The following BAZ1A variants were observed in gnomAD, a reference collection of about 807,000 sequenced individuals.
BAZ1A encodes the protein bromodomain adjacent to zinc finger domain 1A.
BAZ1A carries 50 observed loss-of-function variants against 185.2 expected under a neutral mutation model. That is an observed-to-expected ratio of 0.27 (90% CI 0.22 to 0.34). BAZ1A has a LOEUF of 0.34. BAZ1A is among the 10% of genes least tolerant of loss of function. The pLI is 1.00. For missense variants in BAZ1A, 1,356 were observed against 1,839.9 expected (o/e 0.74, Z 4.81); for synonymous variants, 571 against 615.6 (o/e 0.93, Z 1.07).
intron 3 of BAZ1A, among the ~76,000 whole-genome samples, chr14:34,829,725 C>T (rs980596434): frequency 6.6e-6 from 1 of 152,144 alleles, no homozygotes; most frequent in Non-Finnish European, 1.5e-5. Flanking sequence ...CCATTATCCA[C>T]CCCCTTACTA....
intron 21 of BAZ1A, among the ~76,000 whole-genome samples, chr14:34,768,291 T>A (rs1190406879): frequency 1.3e-5 from 2 of 152,112 alleles, no homozygotes; most frequent in Admixed American, 1.3e-4. Flanking sequence ...AGGACAGGCT[T>A]CTCTAGGGGA....
chr14:34,775,273 T>G (rs990578978), intron 18 of BAZ1A, among the ~76,000 whole-genome samples: 11 of 152,306 alleles, frequency 7.2e-5, no homozygotes, highest in African/African-American at 2.2e-4. Flanking sequence ...GAAGTGGTCA[T>G]GGTAACATGC....
At chr14:34,860,886 G>T (rs977118286) in intron 3 of BAZ1A, among the ~76,000 whole-genome samples, 2 of 151,736 alleles carry the variant, frequency 1.3e-5, no homozygotes, top group Non-Finnish European at 2.9e-5. Context: ...CAACAAGAGC[G>T]GAACTCCGTC....
At chr14:34,813,888 CA>C (rs1403134873) in intron 4 of BAZ1A, among the ~76,000 whole-genome samples, 2 of 151,434 alleles carry the variant, frequency 1.3e-5, no homozygotes, top group Non-Finnish European at 2.9e-5. Context: ...ACTGAAAATA[CA>C]AAAATTAGCC....
chr14:34,823,310 C>T (rs1418660855), intron 4 of BAZ1A, among the ~76,000 whole-genome samples: 5 of 151,592 alleles, frequency 3.3e-5, no homozygotes, highest in African/African-American at 1.2e-4. Context: ...GCCGAGACTG[C>T]GCCACTGCAC....
intron 18 of BAZ1A, among the ~76,000 whole-genome samples, chr14:34,774,912 C>T (rs985456740): frequency 6.6e-6 from 1 of 152,216 alleles, no homozygotes; most frequent in Non-Finnish European, 1.5e-5. Flanking sequence ...CCAATGAGCA[C>T]ATGAAAAGAT....
At chr14:34,858,805 T>C (rs867090107) in intron 3 of BAZ1A, among the ~76,000 whole-genome samples, 2 of 152,260 alleles carry the variant, frequency 1.3e-5, no homozygotes, top group Middle Eastern at 3.4e-3. Context: ...AAATTTCAGA[T>C]AGGACAGAAG....
At chr14:34,784,643 G>A (rs965208305) in intron 14 of BAZ1A, among the ~76,000 whole-genome samples, 13 of 149,626 alleles carry the variant, frequency 8.7e-5, no homozygotes, top group Admixed American at 8.0e-4. Context: ...TCAGCCTCCC[G>A]AGTAGCTGGG....
rs150453067 is a variant in BAZ1A, at chr14:34,813,076, T to C, written c.537-2040A>G. Among the ~76,000 whole-genome samples the C allele has an allele frequency of 2.6e-5, 4 of 152,142 alleles. No individual in the cohort carries two copies. The South Asian group carries it at 8.3e-4, about 32-fold the overall frequency. On this transcript the variant is annotated intron_variant, in intron 4 of 26. Transcript: ENST00000360310. ...AGAGGACAGATCAAATAGAGAATTC[T>C]AAATGTAAAGAAAGAAGCACTGCTG... is the stretch of plus-strand genomic sequence containing the variant.
chr14:34,802,006 T>C (rs1213061203), intron 7 of BAZ1A, among the ~76,000 whole-genome samples: 1 of 151,640 alleles, frequency 6.6e-6, no homozygotes, highest in Non-Finnish European at 1.5e-5. Flanking sequence ...ATTACAAGAA[T>C]ATCTCAGGAA....
chr14:34,859,261 C>T (rs2042731232), intron 3 of BAZ1A, among the ~76,000 whole-genome samples: 1 of 151,844 alleles, frequency 6.6e-6, no homozygotes, highest in African/African-American at 2.4e-5. Flanking sequence ...CTCATCTATA[C>T]TAAAAGTTAA....
intron 3 of BAZ1A, among the ~76,000 whole-genome samples, chr14:34,852,035 G>C (rs747720063): frequency 6.6e-6 from 1 of 152,134 alleles, no homozygotes; most frequent in Non-Finnish European, 1.5e-5. Flanking sequence ...GCTGGGGCAG[G>C]AGAATGGTGT....
At chr14:34,846,188 A>G (rs926935023) in intron 3 of BAZ1A, among the ~76,000 whole-genome samples, 5 of 152,212 alleles carry the variant, frequency 3.3e-5, no homozygotes, top group African/African-American at 9.7e-5. Context: ...AAATAAAGCC[A>G]ACGCTGAATA....
chr14:34,787,141 T>A (rs1594838974), intron 12 of BAZ1A, among the ~76,000 whole-genome samples: 1 of 140,298 alleles, frequency 7.1e-6, no homozygotes, highest in African/African-American at 2.7e-5. Context: ...GATCACGAGG[T>A]CAAGAGATTG....
At chr14:34,844,138 G>C (rs1225572569) in intron 3 of BAZ1A, among the ~76,000 whole-genome samples, 1 of 148,594 alleles carries the variant, frequency 6.7e-6, no homozygotes, top group African/African-American at 2.5e-5. Flanking sequence ...TCCGGGAGGC[G>C]GAGCTTGCAG....
Position 34,875,285 on chromosome 14 carries a change from G to A in BAZ1A, c.-206C>T. 1 of 455,584 alleles carries A rather than the reference G, an allele frequency of 2.2e-6. No homozygotes were observed. The highest frequency in any genetic ancestry group is 7.0e-5 in the East Asian group (1 of 14,368). The allele number at this position is 455,584 out of a possible 1,614,324, so 28.2% of individuals were successfully genotyped here. A position where few individuals can be genotyped will look rare whatever the true frequency, so the allele number is the denominator to read the frequency against. On this transcript the variant is annotated 5_prime_UTR_variant, in exon 1 of 27. Transcript: ENST00000360310. ...CGCTGCCACTGCCCGACTCCGCGCGGGGAATTGCGTCCCACCGCCACTTCC... is the reference window on the plus strand; with the variant it reads ...CGCTGCCACTGCCCGACTCCGCGCGAGGAATTGCGTCCCACCGCCACTTCC...
intron 3 of BAZ1A, among the ~76,000 whole-genome samples, chr14:34,832,215 C>CACACACACACACACATATAT: frequency 2.3e-4 from 21 of 89,710 alleles, no homozygotes; most frequent in South Asian, 4.9e-4. Context: ...CACACACACA[C>CACACACACACACACATATAT]ATATATATAT....
intron 4 of BAZ1A, among the ~76,000 whole-genome samples, chr14:34,819,360 A>C (rs2042052977): frequency 6.6e-6 from 1 of 152,054 alleles, no homozygotes; most frequent in South Asian, 2.1e-4. Flanking sequence ...CTGAGTATTC[A>C]TCCCTCCTTC....
intron 3 of BAZ1A, among the ~76,000 whole-genome samples, chr14:34,854,887 C>T (rs1320214586): frequency 6.6e-6 from 1 of 152,126 alleles, no homozygotes; most frequent in African/African-American, 2.4e-5. Context: ...CGAGACTAGC[C>T]CTGCCAAGAT....
Sources: gnomAD v4.1 joint callset for allele counts (sites outside exome capture counted in the v4.1 genomes callset) on GRCh38, gnomAD v4.1.1 for gene constraint, MANE v1.5 for transcripts, NCBI Gene and HGNC (gene_info 2026-07-23, HGNC 2026-07-21) for gene names.